ALPK1: variants seen among roughly 807,000 people sequenced by gnomAD.
The protein encoded by ALPK1 is alpha kinase 1.
A neutral mutation model predicts 120.6 loss-of-function variants in ALPK1; 110 were observed. The observed-to-expected ratio is 0.91, with a 90% CI of 0.78 to 1.07. The LOEUF (loss-of-function observed/expected upper bound fraction) is 1.07, where lower values mean the gene tolerates loss of function less well. Among genes scored for constraint, ALPK1 ranks in the 50% least tolerant of loss-of-function variants. ALPK1 has a pLI of 0.00. For synonymous variants in ALPK1, 582 were observed against 560.3 expected (o/e 1.04, Z -0.55); for missense variants, 1,498 against 1,483.9 (o/e 1.01, Z -0.16).
intron 4 of ALPK1, among the ~76,000 whole-genome samples, chr4:112,398,632 C>T (rs147953311): frequency 4.1e-4 from 62 of 152,074 alleles, no homozygotes; most frequent in African/African-American, 1.3e-3. Context: ...GATGAGAAGC[C>T]GTGTTAAAGT....
chr4:112,363,619 T>C (rs939237995), intron 2 of ALPK1, among the ~76,000 whole-genome samples: 7 of 152,238 alleles, frequency 4.6e-5, no homozygotes, highest in East Asian at 1.9e-4. Context: ...GGGACTTCAG[T>C]ACTCCACCGA....
intron 2 of ALPK1, among the ~76,000 whole-genome samples, chr4:112,363,793 T>C (rs1019861695): frequency 1.3e-5 from 2 of 152,152 alleles, no homozygotes; most frequent in South Asian, 2.1e-4. Context: ...TTCTCCAAGA[T>C]AGGCCATATG....
At chr4:112,330,056 C>A (rs540058016) in intron 2 of ALPK1, among the ~76,000 whole-genome samples, 1 of 152,108 alleles carries the variant, frequency 6.6e-6, no homozygotes, top group Non-Finnish European at 1.5e-5. Context: ...AATTGAAAAA[C>A]GCTGATTAGA....
chr4:112,432,080 G>A lies in ALPK1; in HGVS notation c.2533G>A (p.Asp845Asn), dbSNP rs72898945. Residue 845 changes from aspartate to asparagine, a missense_variant, in exon 11 of 16, where the codon GAC (aspartate) becomes AAC (asparagine). Physicochemically the swap from Asp to Asn is conservative, Grantham distance 23. Transcript: ENST00000650871. ...TGGCCCAGTCGCAGAGCAGGGCATC[G>A]ACCCTGATGCCTCCACAGTGGATGA... is the stretch of plus-strand genomic sequence containing the variant. ...SGGPVAEQGI[D>N]PDASTVDEEG... 1.3e-4 allele frequency: 202 copies of A among 1,614,080 alleles called. No individual in the cohort carries two copies. Among genetic ancestry groups the A allele is most frequent in the Non-Finnish European group, 1.6e-4 (189 of 1,179,984 alleles).
At chr4:112,404,280 G>A (rs990032145) in intron 4 of ALPK1, among the ~76,000 whole-genome samples, 6 of 152,234 alleles carry the variant, frequency 3.9e-5, no homozygotes, top group African/African-American at 9.6e-5. Flanking sequence ...TTTATACCTC[G>A]TCATACAAGT....
At chr4:112,370,652 C>T (rs558466358) in intron 2 of ALPK1, among the ~76,000 whole-genome samples, 82 of 152,332 alleles carry the variant, frequency 5.4e-4, no homozygotes, top group African/African-American at 1.9e-3. Context: ...CTCTGTTATG[C>T]CTAACAATGA....
At chr4:112,424,773 G>GCA (rs995825566) in intron 6 of ALPK1, among the ~76,000 whole-genome samples, 3 of 152,126 alleles carry the variant, frequency 2.0e-5, no homozygotes, top group Middle Eastern at 3.4e-3. Flanking sequence ...ATGTGTGTGT[G>GCA]CACACACACA....
At chr4:112,312,985 G>A (rs1269466154) in intron 1 of ALPK1, among the ~76,000 whole-genome samples, 1 of 152,186 alleles carries the variant, frequency 6.6e-6, no homozygotes, top group Non-Finnish European at 1.5e-5. Context: ...TCTTTTGAAT[G>A]CCCAGCTCAT....
chr4:112,429,211 T>A lies in ALPK1; in HGVS notation c.858T>A (p.Ala286=). ...CTGCAGAAGCCTGCAAGCTGGCAGC[T>A]GCCTTCAGTGCCTATACGCCGCTCT... ...LSAAEACKLA[A]AFSAYTPLFV... Residue 286 remains alanine (A), a synonymous_variant, in exon 10 of 16, where the codon GCT becomes GCA. Transcript: ENST00000650871. The A allele has an allele frequency of 6.2e-7, 1 of 1,613,140 alleles. No individual in the cohort carries two copies. Among genetic ancestry groups the A allele is most frequent in the Non-Finnish European group, 8.5e-7 (1 of 1,179,964 alleles).
At chr4:112,417,648 G>A (rs1390365475) in intron 5 of ALPK1, among the ~76,000 whole-genome samples, 1 of 152,114 alleles carries the variant, frequency 6.6e-6, no homozygotes, top group Non-Finnish European at 1.5e-5. Context: ...ACCATGCCCA[G>A]CTAACTTGTT....
chr4:112,367,042 CAG>C (rs1055805810), intron 2 of ALPK1, among the ~76,000 whole-genome samples: 4 of 152,146 alleles, frequency 2.6e-5, no homozygotes, highest in African/African-American at 9.7e-5. Flanking sequence ...TTTGAGGACT[CAG>C]GGGAAAGGGT....
At chr4:112,355,986 G>C (rs774478273) in intron 2 of ALPK1, 2 of 620,388 alleles carry the variant, frequency 3.2e-6, no homozygotes, top group African/African-American at 1.8e-5. Flanking sequence ...AGGGATTCTA[G>C]AAGAGAACAG....
chr4:112,359,113 C>T lies in ALPK1; in HGVS notation c.-100-18565C>T, dbSNP rs913688931. The T allele has an allele frequency of 7.5e-5, 54 of 715,616 alleles. No individual in the cohort carries two copies. In the African/African-American group the frequency reaches 8.9e-4, roughly 12 times the overall value. The allele number at this position is 715,616 out of a possible 1,614,324, so 44.3% of individuals were successfully genotyped here. On this transcript the variant is annotated intron_variant, in intron 2 of 15. Coordinates refer to ENST00000650871, the MANE Select transcript of ALPK1 (RefSeq NM_025144.4). ...GCGCCGGATCCCAAGCTGACCCTGT[C>T]CAAGGCTGTGGCCCAGCAGCTGGAT...
At chr4:112,357,675 C>T (rs1052408575) in intron 2 of ALPK1, 31 of 1,600,646 alleles carry the variant, frequency 1.9e-5, no homozygotes, top group Non-Finnish European at 2.6e-5. Flanking sequence ...TCCCCAGAGG[C>T]CCCGACGGAG....
At chr4:112,383,582 G>A (rs1732019402) in intron 4 of ALPK1, 1 of 152,086 alleles carries the variant, frequency 6.6e-6, no homozygotes, top group Non-Finnish European at 1.5e-5. Context: ...TGCAAGCAAA[G>A]GAAAGTGAAT....
chr4:112,403,207 C>T (rs891435129), intron 4 of ALPK1, among the ~76,000 whole-genome samples: 13 of 151,616 alleles, frequency 8.6e-5, no homozygotes, highest in African/African-American at 2.9e-4. Context: ...TGCCCCCCGC[C>T]CCCTCCCCGG....
chr4:112,395,042 G>A (rs1482758280), intron 4 of ALPK1, among the ~76,000 whole-genome samples: 1 of 152,154 alleles, frequency 6.6e-6, no homozygotes, highest in Non-Finnish European at 1.5e-5. Context: ...ATATGAGGTT[G>A]AACCATATAA....
chr4:112,306,240 G>C (rs1728047869), intron 1 of ALPK1, among the ~76,000 whole-genome samples: 1 of 151,972 alleles, frequency 6.6e-6, no homozygotes, highest in Non-Finnish European at 1.5e-5. Flanking sequence ...CCAGGCTTTG[G>C]TATCAGGATG....
Position 112,369,644 on chromosome 4 carries a change from C to T in ALPK1, c.-100-8034C>T, listed in dbSNP as rs1373609178. ...GTTGCAGTGAGCCGAGATTGCACCA[C>T]TCCACTCCAGCCTGGGTGACAGAGT... On this transcript the variant is annotated intron_variant, in intron 2 of 15. Coordinates refer to ENST00000650871, the MANE Select transcript of ALPK1 (RefSeq NM_025144.4). Among the ~76,000 whole-genome samples, 4 of 152,126 alleles carry T rather than the reference C, an allele frequency of 2.6e-5. No homozygotes were observed. In the East Asian group the frequency reaches 7.7e-4, roughly 29 times the overall value.
Sources: gnomAD v4.1 joint callset for allele counts (sites outside exome capture counted in the v4.1 genomes callset) on GRCh38, gnomAD v4.1.1 for gene constraint, MANE v1.5 for transcripts, NCBI Gene and HGNC (gene_info 2026-07-23, HGNC 2026-07-21) for gene names.